ARR3: variants seen among roughly 807,000 people sequenced by gnomAD.
ARR3 encodes the protein arrestin 3.
Under a neutral mutation model 35.4 loss-of-function variants are expected in ARR3, and 14 were observed. The observed-to-expected ratio is 0.40, with a 90% CI of 0.26 to 0.62. ARR3 has a LOEUF of 0.62. Among genes scored for constraint, ARR3 ranks in the 20% least tolerant of loss-of-function variants. ARR3 has a pLI of 0.46. For synonymous variants in ARR3, 97 were observed against 119.1 expected, an observed-to-expected ratio of 0.81 and a Z score of 1.21; for missense variants, 259 against 303.8, an observed-to-expected ratio of 0.85 and a Z score of 1.10.
chrX:70,280,671 T>C, intron 14 of ARR3, 89 bp downstream of exon 14: 1 of 1,197,559 alleles, frequency 8.4e-7, no homozygotes, highest in Admixed American at 2.2e-5. Flanking sequence ...CTGGAGGGTC[T>C]GAGGGCATCC....
Position 70,269,393 on chromosome X carries a change from A to C in ARR3, c.8A>C (p.Lys3Thr). Residue 3 changes from lysine to threonine, a missense_variant and splice_region_variant, in exon 2 of 17, where the codon AAG becomes ACG. Physicochemically the swap from Lys to Thr is moderately conservative, Grantham distance 78 (BLOSUM62 -1). Transcript: ENST00000307959. Reference protein sequence around the residue: MSKVFKKTSSNGK... With the variant: MSTVFKKTSSNGK... Reference sequence around the variant, plus strand: ...ATCAACTATATAGCCAACATGTCCAAGTAAGAATTCCTTCTAATCCTCTGA... The same window carrying C: ...ATCAACTATATAGCCAACATGTCCACGTAAGAATTCCTTCTAATCCTCTGA... 8.3e-7 allele frequency: 1 copy of C among 1,202,036 alleles called. No homozygotes were observed. The highest frequency in any genetic ancestry group is 1.7e-5 in the African/African-American group (1 of 57,528).
chrX:70,269,326 A>G (rs1164302946), intron 1 of ARR3, 30 bp from the exon 2 acceptor site: 1 of 1,191,049 alleles, frequency 8.4e-7, no homozygotes, highest in African/African-American at 1.8e-5. Flanking sequence ...AAATGAAATG[A>G]TTGAGCCTTT....
chrX:70,269,479 A>G, intron 2 of ARR3, 86 bp downstream of exon 2: 7 of 1,028,939 alleles, frequency 6.8e-6, no homozygotes, highest in Non-Finnish European at 8.1e-6. Flanking sequence ...GGGATTTCCA[A>G]TTTCTCCCTA....
Position 70,269,670 on chromosome X carries a change from A to C in ARR3, c.17A>C (p.Lys6Thr). The change falls in exon 3 of 17, where the codon AAG becomes ACG. Residue 6 changes from lysine (K) to threonine (T), a missense_variant. Transcript: ENST00000307959. MSKVF[K>T]KTSSNGKLSI... ...TGGTTTTCTCCTCATAGGGTGTTTA[A>C]GAAGACCAGCTCCAATGGGAAGGTG... 1 of 1,206,545 alleles carries C rather than the reference A, an allele frequency of 8.3e-7. No homozygotes were observed. The highest frequency in any genetic ancestry group is 1.7e-5 in the African/African-American group (1 of 57,679).
intron 11 of ARR3, 37 bp downstream of exon 11, chrX:70,278,175 G>A (rs1602723462): frequency 1.7e-6 from 2 of 1,163,847 alleles, no homozygotes; most frequent in East Asian, 3.0e-5. Context: ...GAGAGCCAAG[G>A]GGTGGGGTGG....
At position 70,272,633 on chromosome X, in the gene ARR3, T is replaced by C. The variant is rs138711315; in HGVS notation, c.145+2489T>C. 3.8e-4 allele frequency among the ~76,000 whole-genome samples: 43 copies of C among 112,029 alleles called. 1 individual carries two copies. The East Asian group carries it at 0.012, about 30-fold the overall frequency. ...AGAGGAATTAATGGCCAAAAGGCAT[T>C]CACACATTTTTAAAGCTTTCTATAC... On this transcript the variant is annotated intron_variant, in intron 5 of 16. Transcript: ENST00000307959.
chrX:70,280,151 T>C, intron 12 of ARR3, 44 bp from the exon 13 acceptor site: 1 of 1,129,927 alleles, frequency 8.9e-7, no homozygotes. Flanking sequence ...AATGAATTAC[T>C]CTTCATGCCC....
At chrX:70,278,007 G>A (rs2085661266) in intron 10 of ARR3, 59 bp from the exon 11 acceptor site, 1 of 1,108,458 alleles carries the variant, frequency 9.0e-7, no homozygotes, top group Admixed American at 2.2e-5. Context: ...AGGACACTGA[G>A]CTGGGGTCTC....
rs1555941779 is a variant in ARR3 at position 70,281,003 on chromosome X, G to GC, written c.1067-96_1067-95insC. 1.7e-4 allele frequency: 67 copies of GC among 382,970 alleles called. No individual in the cohort carries two copies. The East Asian group carries it at 4.0e-3, about 23-fold the overall frequency. The allele number at this position is 382,970 out of a possible 1,213,427, so 31.6% of individuals were successfully genotyped here. On this transcript the variant is annotated intron_variant, in intron 15 of 16. Coordinates refer to ENST00000307959, the MANE Select transcript of ARR3 (RefSeq NM_004312.3). ...TGCTGGAGCAAAGGATTGGGAAGTT[G>GC]GGGGGGGGGGAAGTAAAGATACTTC...
At chrX:70,276,359 G>A in intron 6 of ARR3, 74 bp from the exon 7 acceptor site, 1 of 1,189,691 alleles carries the variant, frequency 8.4e-7, no homozygotes, top group Non-Finnish European at 1.1e-6. Flanking sequence ...CAACAAGGGA[G>A]AGGGTTCCCC....
chrX:70,276,640 G>A (rs989282197), intron 7 of ARR3, 29 bp from the exon 8 acceptor site: 1 of 1,205,665 alleles, frequency 8.3e-7, no homozygotes. Context: ...CACTGGAAAT[G>A]AGCTCTCTTT....
intron 8 of ARR3, 80 bp downstream of exon 8, chrX:70,276,816 C>A: frequency 3.2e-6 from 3 of 933,088 alleles, no homozygotes; most frequent in African/African-American, 1.9e-5. Flanking sequence ...CAGAAATAGC[C>A]CCACTTCTAA....
chrX:70,268,881 A>G (rs1008263819), intron 1 of ARR3, among the ~76,000 whole-genome samples: 2 of 108,525 alleles, frequency 1.8e-5, no homozygotes, highest in Non-Finnish European at 3.8e-5. Flanking sequence ...TGATTTGTCC[A>G]TTCATTCATT....
At position 70,276,523 on chromosome X, in the gene ARR3, G is replaced by A. The variant is rs779478690; in HGVS notation, c.405+31G>A. Reference sequence around the variant, plus strand: ...GACTGGGTTCTAAGAAAGAGGGATAGGTAGTGCCAGGGAAGAGGAACAGTG... The same window carrying A: ...GACTGGGTTCTAAGAAAGAGGGATAAGTAGTGCCAGGGAAGAGGAACAGTG... On this transcript the variant is annotated intron_variant, in intron 7 of 16. Coordinates refer to ENST00000307959, the MANE Select transcript of ARR3 (RefSeq NM_004312.3). 40 of 1,193,299 alleles carry A rather than the reference G, an allele frequency of 3.4e-5. No homozygotes were observed. The South Asian group carries it at 6.9e-4, about 21-fold the overall frequency.
intron 2 of ARR3, 77 bp downstream of exon 2, chrX:70,269,470 G>A (rs1305473649): frequency 9.6e-7 from 1 of 1,046,424 alleles, no homozygotes; most frequent in African/African-American, 1.9e-5. Context: ...TGGGGTAGGG[G>A]GATTTCCAAT....
At chrX:70,277,349 G>T in intron 8 of ARR3, 45 bp from the exon 9 acceptor site, 2 of 1,192,990 alleles carry the variant, frequency 1.7e-6, no homozygotes, top group South Asian at 1.9e-5. Context: ...AGGTCTGTGG[G>T]TCTGAAAGGA....
At position 70,276,672 on chromosome X, in the gene ARR3, T is replaced by A. The variant is rs1472756099; in HGVS notation, c.409T>A (p.Cys137Ser). The A allele has an allele frequency of 8.3e-7, 1 of 1,211,406 alleles. No individual in the cohort carries two copies. Among genetic ancestry groups the A allele is most frequent in the Non-Finnish European group, 1.1e-6 (1 of 895,028 alleles). ...QPGPEDAGKP[C>S]GIDFEVKSFC... ...CTTTGCCCTTGTCCCTTTACAGCCC[T>A]GTGGGATTGACTTTGAAGTGAAGAG... Residue 137 changes from cysteine (C) to serine (S), a missense_variant, in exon 8 of 17, where the codon TGT (cysteine) becomes AGT (serine). Physicochemically the swap from Cys to Ser is moderately radical, Grantham distance 112 (BLOSUM62 -1). Transcript: ENST00000307959.
intron 1 of ARR3, 65 bp from the exon 2 acceptor site, chrX:70,269,291 T>C: frequency 8.9e-7 from 1 of 1,122,759 alleles, no homozygotes. Flanking sequence ...ATGGATGGTA[T>C]GCTGGAGTGG....
chrX:70,277,038 T>C (rs1444369990), intron 8 of ARR3, among the ~76,000 whole-genome samples: 1 of 113,057 alleles, frequency 8.8e-6, no homozygotes, highest in Admixed American at 9.3e-5. Context: ...TGAATGAGTG[T>C]GGCTGTGTGT....
Sources: allele counts gnomAD v4.1 joint callset (sites outside exome capture counted in the v4.1 genomes callset), GRCh38; gene constraint gnomAD v4.1.1; transcripts MANE v1.5; gene names NCBI Gene and HGNC (gene_info 2026-07-23, HGNC 2026-07-21).